Variants in GAS2L2 observed in about 807,000 individuals in gnomAD.
GAS2L2 encodes the protein growth arrest specific 2 like 2.
A neutral mutation model predicts 35.2 loss-of-function variants in GAS2L2; 21 were observed. That is an observed-to-expected ratio of 0.60 (90% CI 0.42 to 0.86). GAS2L2 has a LOEUF of 0.86. GAS2L2 is among the 40% of genes least tolerant of loss of function. The pLI is 0.00. For synonymous variants in GAS2L2, 490 were observed against 473.2 expected, an observed-to-expected ratio of 1.04 and a Z score of -0.46; for missense variants, 1,169 against 1,144.4, an observed-to-expected ratio of 1.02 and a Z score of -0.31.
rs587755347 is a variant in GAS2L2 at position 35,752,964 on chromosome 17, T to C, written c.-114A>G. On this transcript the variant is annotated 5_prime_UTR_variant, in exon 1 of 6. Transcript: ENST00000604641. The stretch of plus-strand genomic sequence containing the variant: ...TCTTCCTGATTCTGAGGTTCCCGTG[T>C]ACTCGCTGAGAGCCCGGGACCTCCA... 2 of 1,213,010 alleles carry C rather than the reference T, an allele frequency of 1.6e-6. No individual in the cohort carries two copies. Among genetic ancestry groups the C allele is most frequent in the African/African-American group, 3.0e-5 (2 of 65,636 alleles). The allele number at this position is 1,213,010 out of a possible 1,614,324, so 75.1% of individuals were successfully genotyped here.
Position 35,750,093 on chromosome 17 carries a change from C to T in GAS2L2, c.611G>A (p.Arg204His), listed in dbSNP as rs376528605. The change falls in exon 2 of 6, where the codon CGC becomes CAC. Residue 204 changes from arginine (R) to histidine (H), a missense_variant. Physicochemically the swap from Arg to His is conservative, Grantham distance 29. This residue lies in a region of GAS2L2 where 1,035 missense variants were observed against 976.5 expected (regional missense o/e 1.06). Coordinates refer to ENST00000604641, the MANE Select transcript of GAS2L2 (RefSeq NM_139285.4). ...APPRRQPCHF[R>H]NLDQMVQSLV... ...GCCCCTCACCATCTGGTCCAGGTTG[C>T]GGAAGTGGCAGGGCTGGCGCCTGGG... 1.9e-6 allele frequency: 3 copies of T among 1,599,070 alleles called. No individual in the cohort carries two copies. Among genetic ancestry groups the T allele is most frequent in the African/African-American group, 1.4e-5 (1 of 73,248 alleles).
In GAS2L2 at chr17:35,750,258, A is replaced by G. The variant is rs1555599605; in HGVS notation, c.446T>C (p.Leu149Pro). The G allele has an allele frequency of 6.2e-7, 1 of 1,613,934 alleles. No individual in the cohort carries two copies. Among genetic ancestry groups the G allele is most frequent in the Non-Finnish European group, 8.5e-7 (1 of 1,179,982 alleles). ...CCGGCGGCCCAGCTCCAGCAAACAC[A>G]GCACCACGTTCTTCACGTTCTTGCG... ...VLRKNVKNVV[L>P]CLLELGRRAW... is the part of the protein sequence containing the mutation. Residue 149 changes from leucine (L) to proline (P), a missense_variant, in exon 2 of 6, where the codon CTG (leucine) becomes CCG (proline). Physicochemically the swap from Leu to Pro is moderately conservative, Grantham distance 98. Around this residue, in one of 3 missense-constraint regions of GAS2L2, gnomAD observed 1,035 missense variants for 976.5 expected, o/e 1.06. Coordinates refer to ENST00000604641, the MANE Select transcript of GAS2L2 (RefSeq NM_139285.4).
At position 35,744,833 on chromosome 17, in the gene GAS2L2, T is replaced by A. The variant is rs112109521; in HGVS notation, c.*21A>T. On this transcript the variant is annotated 3_prime_UTR_variant, in exon 6 of 6. Transcript: ENST00000604641. ...ATGGCCATCCTTTTTGCTTCCCTCC[T>A]ACCCAACACGCTCATGTGCCTCAGA... 0.033 allele frequency: 50,003 copies of A among 1,538,000 alleles called. 1,430 individuals carry two copies. The highest frequency in any genetic ancestry group is 0.16 in the Admixed American group (8,173 of 51,028).
In GAS2L2 at chr17:35,745,399, G is replaced by T. The variant is rs1555598744; in HGVS notation, c.2098C>A (p.Gln700Lys). ...CTTGCCTTTGTCCTGGGCCCACTCTGTCTGGCTCCCAACTTCCCTTTGAGG... is the reference window on the plus strand; with the variant it reads ...CTTGCCTTTGTCCTGGGCCCACTCTTTCTGGCTCCCAACTTCCCTTTGAGG... ...GSLKGKLGAR[Q>K]SGPRTKASLS... Residue 700 changes from glutamine to lysine, a missense_variant, in exon 6 of 6, where the codon CAG (glutamine) becomes AAG (lysine). Gln to Lys is a moderately conservative substitution (Grantham distance 53, BLOSUM62 1). Coordinates refer to ENST00000604641, the MANE Select transcript of GAS2L2 (RefSeq NM_139285.4). The T allele has an allele frequency of 6.3e-7, 1 of 1,576,908 alleles. No homozygotes were observed. The highest frequency in any genetic ancestry group is 1.2e-5 in the South Asian group (1 of 85,352).
At position 35,749,122 on chromosome 17, in the gene GAS2L2, G is replaced by T. The variant is rs782618200; in HGVS notation, c.723C>A (p.Leu241=). Residue 241 remains leucine (L), a synonymous_variant, in exon 3 of 6, where the codon CTC becomes CTA. Transcript: ENST00000604641. ...GKYRVGDSNT[L]IFIRILRNHV... ...AGCCTGGACTTACCCGGATGAAGATGAGGGTGTTGGAGTCACCCACACGGT... is the reference window on the plus strand; with the variant it reads ...AGCCTGGACTTACCCGGATGAAGATTAGGGTGTTGGAGTCACCCACACGGT... 2 of 1,611,448 alleles carry T rather than the reference G, an allele frequency of 1.2e-6. No individual in the cohort carries two copies. The highest frequency in any genetic ancestry group is 1.7e-5 in the Admixed American group (1 of 59,998).
intron 2 of GAS2L2, 150 bp downstream of exon 2, chr17:35,749,927 C>G: frequency 1.4e-6 from 1 of 723,638 alleles, no homozygotes; most frequent in Non-Finnish European, 2.3e-6. Flanking sequence ...AGAGTGGAAC[C>G]GTGCCTTAAA....
chr17:35,746,057 A>G lies in GAS2L2; in HGVS notation c.1440T>C (p.Gly480=), dbSNP rs782448416. The G allele has an allele frequency of 6.5e-6, 10 of 1,526,882 alleles. No individual in the cohort carries two copies. The African/African-American group carries it at 9.7e-5, about 15-fold the overall frequency. The allele number at this position is 1,526,882 out of a possible 1,614,324, so 94.6% of individuals were successfully genotyped here. The change falls in exon 6 of 6, where the codon GGT becomes GGC. Residue 480 remains glycine, a synonymous_variant. Coordinates refer to ENST00000604641, the MANE Select transcript of GAS2L2 (RefSeq NM_139285.4). ...LRLPLRDEAK[G]AFFQFREPES... ...CTGGCTCCCTGAACTGGAAGAACGC[A>G]CCCTTGGCCTCATCCCGGAGTGGCA... is the stretch of plus-strand genomic sequence containing the variant.
chr17:35,747,153 G>A lies in GAS2L2; in HGVS notation c.948C>T (p.Ser316=), dbSNP rs2143021723. ...TCTTCCAGTCCACAGGGGGTGGTGG[G>A]CTCTGTGAGCGGCTGATGGTCATTG... ...QPTMTISRSQ[S]PPPPVDWKTY... Residue 316 remains serine, a synonymous_variant, in exon 5 of 6, where the codon AGC becomes AGT. Transcript: ENST00000604641. The A allele has an allele frequency of 3.1e-6, 5 of 1,614,020 alleles. No individual in the cohort carries two copies. Among genetic ancestry groups the A allele is most frequent in the Non-Finnish European group, 3.4e-6 (4 of 1,179,914 alleles).
At chr17:35,749,844 A>AG (rs782431089) in intron 2 of GAS2L2, among the ~76,000 whole-genome samples, 3 of 152,204 alleles carry the variant, frequency 2.0e-5, no homozygotes, top group South Asian at 2.1e-4. Context: ...AGGGGCATCC[A>AG]GTGCTGGGTT....
chr17:35,749,337 A>G (rs1472224271), intron 2 of GAS2L2, 120 bp from the exon 3 acceptor site: 2 of 632,392 alleles, frequency 3.2e-6, no homozygotes, highest in East Asian at 5.5e-5. Context: ...GGGAATGAGA[A>G]GCAAGGAGGG....
In GAS2L2 at chr17:35,750,224, G is replaced by A. The variant is rs145602715; in HGVS notation, c.480C>T (p.Arg160=). 1.3e-4 allele frequency: 210 copies of A among 1,613,714 alleles called. 1 individual carries two copies. Among genetic ancestry groups the A allele is most frequent in the Non-Finnish European group, 1.6e-4 (183 of 1,179,850 alleles). ...CGAGTGTGGGCGCCGCAACACCAAA[G>A]CGCCACGCCCGGCGGCCCAGCTCCA... ...CLLELGRRAW[R]FGVAAPTLVQ... The change falls in exon 2 of 6, where the codon CGC becomes CGT. Residue 160 remains arginine, a synonymous_variant. Coordinates refer to ENST00000604641, the MANE Select transcript of GAS2L2 (RefSeq NM_139285.4).
At position 35,744,824 on chromosome 17, in the gene GAS2L2, C is replaced by T. The variant is rs1555598539; in HGVS notation, c.*30G>A. The T allele has an allele frequency of 6.7e-6, 10 of 1,502,820 alleles. No individual in the cohort carries two copies. In the Admixed American group the frequency reaches 1.7e-4, roughly 25 times the overall value. 93.1% of individuals were successfully genotyped at this position (1,502,820 alleles called of 1,614,324 possible). A position where few individuals can be genotyped will look rare whatever the true frequency, so the allele number is the denominator to read the frequency against. ...AGTGTATACATGGCCATCCTTTTTG[C>T]TTCCCTCCTACCCAACACGCTCATG... On this transcript the variant is annotated 3_prime_UTR_variant, in exon 6 of 6. Coordinates refer to ENST00000604641, the MANE Select transcript of GAS2L2 (RefSeq NM_139285.4).
chr17:35,749,383 G>C (rs1248581436), intron 2 of GAS2L2, among the ~76,000 whole-genome samples, 166 bp from the exon 3 acceptor site: 3 of 152,246 alleles, frequency 2.0e-5, no homozygotes, highest in African/African-American at 7.2e-5. Context: ...GCGAGAACGA[G>C]ACCTGGGTGG....
chr17:35,751,470 C>A (rs1330529580), intron 1 of GAS2L2, among the ~76,000 whole-genome samples: 4 of 152,118 alleles, frequency 2.6e-5, no homozygotes, highest in Non-Finnish European at 5.9e-5. Flanking sequence ...GAGTTCGAGA[C>A]CAGCCTGGCC....
chr17:35,751,593 G>A (rs1047400505), intron 1 of GAS2L2, among the ~76,000 whole-genome samples: 6 of 151,736 alleles, frequency 4.0e-5, no homozygotes, highest in African/African-American at 1.2e-4. Flanking sequence ...GCTTGAACCC[G>A]GGAGGTGAAG....
chr17:35,752,753 G>A lies in GAS2L2; in HGVS notation c.98C>T (p.Ala33Val), dbSNP rs1555599958. ...PFKSSEQYLEAMKEDLAEWLR... is the reference protein window; with the variant it reads ...PFKSSEQYLEVMKEDLAEWLR... ...CCACTCAGCCAGGTCTTCCTTCATG[G>A]CCTCCAGGTACTGCTCACTCGACTT... Residue 33 changes from alanine (A) to valine (V), a missense_variant, in exon 1 of 6, where the codon GCC (alanine) becomes GTC (valine). Physicochemically the swap from Ala to Val is moderately conservative, Grantham distance 64. This residue lies in a region of GAS2L2 where 127 missense variants were observed against 146.1 expected (regional missense o/e 0.87). Coordinates refer to ENST00000604641, the MANE Select transcript of GAS2L2 (RefSeq NM_139285.4). 1 of 1,613,806 alleles carries A rather than the reference G, an allele frequency of 6.2e-7. No homozygotes were observed. The highest frequency in any genetic ancestry group is 8.5e-7 in the Non-Finnish European group (1 of 1,180,040).
chr17:35,746,235 A>G lies in GAS2L2; in HGVS notation c.1262T>C (p.Val421Ala). 1 of 1,467,214 alleles carries G rather than the reference A, an allele frequency of 6.8e-7. No individual in the cohort carries two copies. Among genetic ancestry groups the G allele is most frequent in the East Asian group, 2.3e-5 (1 of 42,912 alleles). 90.9% of individuals were successfully genotyped at this position (1,467,214 alleles called of 1,614,324 possible). Reference sequence around the variant, plus strand: ...TCCCCAGCTGTCTGTTTCTTCATGAACCCAAGATGTGGGAATCCTTCCCCT... The same window carrying G: ...TCCCCAGCTGTCTGTTTCTTCATGAGCCCAAGATGTGGGAATCCTTCCCCT... Reference protein sequence around the residue: ...LPRGRIPTSWVHEETDSWGTD... With the variant: ...LPRGRIPTSWAHEETDSWGTD... Residue 421 changes from valine (V) to alanine (A), a missense_variant, in exon 6 of 6, where the codon GTT becomes GCT. Val to Ala is a moderately conservative substitution (Grantham distance 64, BLOSUM62 0). Coordinates refer to ENST00000604641, the MANE Select transcript of GAS2L2 (RefSeq NM_139285.4).
chr17:35,747,194 A>C lies in GAS2L2; in HGVS notation c.907T>G (p.Ser303Ala). The change falls in exon 5 of 6, where the codon TCA becomes GCA. Residue 303 changes from serine to alanine, a missense_variant. By Grantham distance (99) the Ser-to-Ala change is moderately conservative. Around this residue, in one of 3 missense-constraint regions of GAS2L2, gnomAD observed 1,035 missense variants for 976.5 expected, o/e 1.06. Coordinates refer to ENST00000604641, the MANE Select transcript of GAS2L2 (RefSeq NM_139285.4). ...QHEVRVQDGP[S>A]QTQPTMTISR... The stretch of plus-strand genomic sequence containing the variant: ...ATGGTCATTGTAGGCTGGGTCTGTG[A>C]GGGTCCATCCTGTACCCTTACTTCA... 6.2e-7 allele frequency: 1 copy of C among 1,614,008 alleles called. No homozygotes were observed. The highest frequency in any genetic ancestry group is 8.5e-7 in the Non-Finnish European group (1 of 1,179,970).
At chr17:35,746,550 C>T in intron 5 of GAS2L2, 139 bp from the exon 6 acceptor site, 1 of 468,576 alleles carries the variant, frequency 2.1e-6, no homozygotes, top group Non-Finnish European at 3.5e-6. Flanking sequence ...CTGAATGAAA[C>T]CTATGCTCCC....
Sources: gnomAD v4.1 joint callset for allele counts (sites outside exome capture counted in the v4.1 genomes callset) on GRCh38, gnomAD v4.1.1 for gene constraint, gnomAD v4.1.1 regional missense constraint, MANE v1.5 for transcripts, NCBI Gene and HGNC (gene_info 2026-07-23, HGNC 2026-07-21) for gene names.